ANGPT1: variants seen among roughly 807,000 people sequenced by gnomAD.
ANGPT1 encodes angiopoietin 1, also known as angiopoietin-1.
Under a neutral mutation model 62.2 loss-of-function variants are expected in ANGPT1, and 17 were observed. The observed-to-expected ratio is 0.27, with a 90% confidence interval of 0.19 to 0.41. The LOEUF is 0.41. ANGPT1 is among the 10% of genes least tolerant of loss of function. The probability of loss-of-function intolerance (pLI) is 1.00; values close to 1 mark genes in which losing one functional copy is unlikely to be tolerated. For synonymous variants in ANGPT1, 199 were observed against 198.9 expected, an observed-to-expected ratio of 1.00 and a Z score of 0.00; for missense variants, 478 against 594.9, an observed-to-expected ratio of 0.80 and a Z score of 2.04.
intron 1 of ANGPT1, among the ~76,000 whole-genome samples, chr8:107,376,892 A>C (rs2436557): frequency 0.25 from 38,237 of 152,108 alleles, 5,760 homozygotes; most frequent in East Asian, 0.33. Context: ...TTTTGAACTT[A>C]GAGTTTAGGA....
At chr8:107,471,307 GA>G (rs1030750330) in intron 1 of ANGPT1, among the ~76,000 whole-genome samples, 41 of 152,126 alleles carry the variant, frequency 2.7e-4, no homozygotes, top group Admixed American at 2.3e-3. Flanking sequence ...CACAGAAGCA[GA>G]AAACCAAACA....
intron 1 of ANGPT1, among the ~76,000 whole-genome samples, chr8:107,476,958 A>G (rs1467140876): frequency 6.6e-6 from 1 of 151,946 alleles, no homozygotes; most frequent in Non-Finnish European, 1.5e-5. Context: ...TTATTTCTGT[A>G]TTACTTTAAG....
Position 107,455,256 on chromosome 8 carries a change from A to G in ANGPT1, c.297+42006T>C, listed in dbSNP as rs574098809. Among the ~76,000 whole-genome samples, 13 of 152,210 alleles carry G rather than the reference A, an allele frequency of 8.5e-5. No individual in the cohort carries two copies. The South Asian group carries it at 2.3e-3, about 27-fold the overall frequency. On this transcript the variant is annotated intron_variant, in intron 1 of 8. Coordinates refer to ENST00000517746, the MANE Select transcript of ANGPT1 (RefSeq NM_001146.5). ...GTAGACAACTGTTTCCTGTAAGTTT[A>G]CTTATAAATAATGTTTGAAAATTTT...
intron 1 of ANGPT1, among the ~76,000 whole-genome samples, chr8:107,408,749 C>T (rs1385487504): frequency 6.6e-6 from 1 of 152,130 alleles, no homozygotes; most frequent in Non-Finnish European, 1.5e-5. Flanking sequence ...AGATCAGTCT[C>T]TGCTTATGTG....
rs549925621 is a variant in ANGPT1 at position 107,351,885 on chromosome 8, G to A, written c.298-4788C>T. Among the ~76,000 whole-genome samples the A allele has an allele frequency of 5.3e-5, 8 of 152,168 alleles. No individual in the cohort carries two copies. The East Asian group carries it at 1.2e-3, about 22-fold the overall frequency. On this transcript the variant is annotated intron_variant, in intron 1 of 8. Transcript: ENST00000517746. ...CAATAATACACAAAGCCTCTACAAAGGCTAGATATGTACCAGCTTTTACAA... is the reference window on the plus strand; with the variant it reads ...CAATAATACACAAAGCCTCTACAAAAGCTAGATATGTACCAGCTTTTACAA...
chr8:107,482,613 G>A (rs1563643204), intron 1 of ANGPT1, among the ~76,000 whole-genome samples: 1 of 152,020 alleles, frequency 6.6e-6, no homozygotes, highest in African/African-American at 2.4e-5. Flanking sequence ...TTCATGAGAG[G>A]GTGGCATATA....
chr8:107,275,693 A>T (rs902101529), intron 7 of ANGPT1, among the ~76,000 whole-genome samples: 1 of 152,194 alleles, frequency 6.6e-6, no homozygotes, highest in Admixed American at 6.5e-5. Context: ...ATCCTAGGAT[A>T]GCACATGATG....
chr8:107,474,259 G>A (rs1812448531), intron 1 of ANGPT1, among the ~76,000 whole-genome samples: 1 of 152,046 alleles, frequency 6.6e-6, no homozygotes, highest in South Asian at 2.1e-4. Context: ...GCTTCATCCT[G>A]GGATGCAAGT....
intron 1 of ANGPT1, among the ~76,000 whole-genome samples, chr8:107,389,864 G>T (rs766228419): frequency 4.6e-5 from 7 of 151,788 alleles, no homozygotes; most frequent in Non-Finnish European, 1.0e-4. Flanking sequence ...ATGTGGCAAG[G>T]GTGCTGTACC....
intron 1 of ANGPT1, among the ~76,000 whole-genome samples, chr8:107,495,276 A>G (rs968821678): frequency 2.0e-5 from 3 of 152,242 alleles, no homozygotes; most frequent in Non-Finnish European, 4.4e-5. Flanking sequence ...TTTTCAGCAT[A>G]TATTCAGCTT....
intron 4 of ANGPT1, among the ~76,000 whole-genome samples, chr8:107,312,983 C>T (rs1009654754): frequency 2.6e-5 from 4 of 152,000 alleles, no homozygotes; most frequent in South Asian, 2.1e-4. Flanking sequence ...TAGGTTTGTG[C>T]GTGTCTGTGT....
chr8:107,325,431 T>C (rs1815263988), intron 3 of ANGPT1, among the ~76,000 whole-genome samples: 1 of 152,200 alleles, frequency 6.6e-6, no homozygotes, highest in Non-Finnish European at 1.5e-5. Context: ...AAACTTAGCA[T>C]TACCTATTAA....
At chr8:107,362,261 T>G (rs1290824190) in intron 1 of ANGPT1, among the ~76,000 whole-genome samples, 1 of 152,178 alleles carries the variant, frequency 6.6e-6, no homozygotes, top group Non-Finnish European at 1.5e-5. Flanking sequence ...GCTTAGTCCC[T>G]GGCAAGTGAG....
rs74659289 is a variant in ANGPT1 at position 107,387,252 on chromosome 8, T to C, written c.298-40155A>G. Among the ~76,000 whole-genome samples the C allele has an allele frequency of 6.6e-5, 10 of 152,204 alleles. No individual in the cohort carries two copies. In the East Asian group the frequency reaches 1.9e-3, roughly 29 times the overall value. ...CCAAGTATGAGCAACGTTGATGAAA[T>C]GACCTGAAGATATTCTCCAAGTTCA... On this transcript the variant is annotated intron_variant, in intron 1 of 8. Transcript: ENST00000517746.
intron 2 of ANGPT1, among the ~76,000 whole-genome samples, chr8:107,345,203 TG>T (rs1425223962): frequency 6.6e-6 from 1 of 152,232 alleles, no homozygotes; most frequent in African/African-American, 2.4e-5. Flanking sequence ...ATCTTAAAAT[TG>T]TTCTCACTGT....
At chr8:107,390,098 C>G (rs562285575) in intron 1 of ANGPT1, among the ~76,000 whole-genome samples, 1 of 152,200 alleles carries the variant, frequency 6.6e-6, no homozygotes, top group African/African-American at 2.4e-5. Context: ...TGGCCAAATA[C>G]AACAAAAGGT....
In ANGPT1 at chr8:107,398,874, T is replaced by C. The variant is rs374868206; in HGVS notation, c.298-51777A>G. Reference sequence around the variant, plus strand: ...TGGGACATTTTCAGTATTCCATAGCTCTAGATGTTCTAGGAAAATCATGAG... The same window carrying C: ...TGGGACATTTTCAGTATTCCATAGCCCTAGATGTTCTAGGAAAATCATGAG... On this transcript the variant is annotated intron_variant, in intron 1 of 8. Transcript: ENST00000517746. 2.6e-5 allele frequency among the ~76,000 whole-genome samples: 4 copies of C among 152,284 alleles called. No individual in the cohort carries two copies. The East Asian group carries it at 5.8e-4, about 22-fold the overall frequency.
chr8:107,444,985 G>A (rs1207047424), intron 1 of ANGPT1, among the ~76,000 whole-genome samples: 1 of 152,056 alleles, frequency 6.6e-6, no homozygotes, highest in African/African-American at 2.4e-5. Flanking sequence ...TCCCTGCAGG[G>A]GTATTTCTGT....
chr8:107,484,685 A>T (rs1032367154), intron 1 of ANGPT1, among the ~76,000 whole-genome samples: 3 of 152,206 alleles, frequency 2.0e-5, no homozygotes. Context: ...GATTACAGAC[A>T]TGAGCTACTG....
Sources: gnomAD v4.1 joint callset for allele counts (sites outside exome capture counted in the v4.1 genomes callset) on GRCh38, gnomAD v4.1.1 for gene constraint, MANE v1.5 for transcripts, NCBI Gene and HGNC (gene_info 2026-07-23, HGNC 2026-07-21) for gene names.